The following ILRUN variants were observed in gnomAD, a reference collection of about 807,000 sequenced individuals.
The protein encoded by ILRUN is inflammation and lipid regulator with UBA-like and NBR1-like domains.
A neutral mutation model predicts 33.8 loss-of-function variants in ILRUN; 3 were observed. The observed-to-expected ratio is 0.09, with a 90% CI of 0.04 to 0.23. ILRUN has a LOEUF of 0.23. Among genes scored for constraint, ILRUN ranks in the 10% least tolerant of loss-of-function variants. ILRUN has a pLI of 1.00. For missense variants in ILRUN, 210 were observed against 375.1 expected (o/e 0.56, Z 3.64); for synonymous variants, 124 against 138.9 (o/e 0.89, Z 0.75).
intron 3 of ILRUN, among the ~76,000 whole-genome samples, chr6:34,614,481 ATAT>A (rs1208198323): frequency 4.2e-5 from 6 of 141,986 alleles, no homozygotes; most frequent in East Asian, 3.9e-4. Flanking sequence ...TATTTTTTAT[ATAT>A]TATTATATAT....
chr6:34,650,896 T>C (rs1489539731), intron 2 of ILRUN, among the ~76,000 whole-genome samples: 1 of 152,200 alleles, frequency 6.6e-6, no homozygotes, highest in Non-Finnish European at 1.5e-5. Context: ...AGAAGTGCCA[T>C]AAAAATTATT....
chr6:34,673,536 C>T (rs1049374698), intron 1 of ILRUN, among the ~76,000 whole-genome samples: 7 of 152,116 alleles, frequency 4.6e-5, no homozygotes, highest in Non-Finnish European at 8.8e-5. Flanking sequence ...ACACAAATGG[C>T]TCAAGTGTTG....
intron 3 of ILRUN, among the ~76,000 whole-genome samples, chr6:34,627,959 C>CT (rs148173477): frequency 0.03 from 4,611 of 152,206 alleles, 182 homozygotes; most frequent in African/African-American, 0.088. Flanking sequence ...CCGCCTCAGT[C>CT]CCCGAAGTAC....
At chr6:34,596,768 C>G (rs1303236573) in intron 4 of ILRUN, among the ~76,000 whole-genome samples, 1 of 152,200 alleles carries the variant, frequency 6.6e-6, no homozygotes, top group Non-Finnish European at 1.5e-5. Flanking sequence ...TCAACCAGGC[C>G]TTCTGATTGT....
At chr6:34,632,813 A>C (rs1001480642) in intron 3 of ILRUN, among the ~76,000 whole-genome samples, 1 of 151,990 alleles carries the variant, frequency 6.6e-6, no homozygotes, top group Non-Finnish European at 1.5e-5. Flanking sequence ...GTGAGCCACC[A>C]CGCCCGGCCA....
At position 34,589,873 on chromosome 6, in the gene ILRUN, C is replaced by T. The variant is rs967015192; in HGVS notation, c.*692G>A. The T allele has an allele frequency of 6.6e-6, 1 of 151,986 alleles. No individual in the cohort carries two copies. The highest frequency in any genetic ancestry group is 2.4e-5 in the African/African-American group (1 of 41,380). The allele number at this position is 151,986 out of a possible 1,614,324, so 9.4% of individuals were successfully genotyped here. A position where few individuals can be genotyped will look rare whatever the true frequency, so the allele number is the denominator to read the frequency against. ...GGGAAGTTTGGTCTTCAGAGAGGTT[C>T]TGATGCTAACAAGCCACAGGGTTGA... On this transcript the variant is annotated 3_prime_UTR_variant, in exon 5 of 5. Transcript: ENST00000374023.
intron 3 of ILRUN, among the ~76,000 whole-genome samples, chr6:34,608,636 T>C (rs1332503685): frequency 6.6e-6 from 1 of 152,140 alleles, no homozygotes; most frequent in East Asian, 1.9e-4. Flanking sequence ...ACAGTGTCAC[T>C]AGGTAACAGG....
At chr6:34,669,289 ATTT>A (rs35216384) in intron 1 of ILRUN, among the ~76,000 whole-genome samples, 3 of 118,434 alleles carry the variant, frequency 2.5e-5, no homozygotes, top group Admixed American at 9.1e-5. Context: ...ACACCCAGCT[ATTT>A]TTTTTTTTTT....
intron 3 of ILRUN, among the ~76,000 whole-genome samples, chr6:34,634,467 A>G (rs1285453055): frequency 6.6e-6 from 1 of 152,130 alleles, no homozygotes; most frequent in East Asian, 1.9e-4. Flanking sequence ...AATAAAATTA[A>G]GAGCAGAAAT....
At chr6:34,628,686 T>C (rs978956762) in intron 3 of ILRUN, among the ~76,000 whole-genome samples, 3 of 152,168 alleles carry the variant, frequency 2.0e-5, no homozygotes, top group African/African-American at 7.2e-5. Context: ...TGAGGATATG[T>C]GCATCTAAGT....
chr6:34,660,329 A>G (rs1364294820), intron 1 of ILRUN, among the ~76,000 whole-genome samples: 2 of 152,034 alleles, frequency 1.3e-5, no homozygotes, highest in Non-Finnish European at 2.9e-5. Context: ...AAAATCAGAA[A>G]TAGAGAAGGA....
intron 1 of ILRUN, among the ~76,000 whole-genome samples, chr6:34,679,322 A>G (rs1763308721): frequency 6.6e-6 from 1 of 152,192 alleles, no homozygotes; most frequent in Non-Finnish European, 1.5e-5. Flanking sequence ...GAGGTGTAAG[A>G]CAATTTGGCA....
At chr6:34,653,155 A>G (rs1330180764) in intron 2 of ILRUN, among the ~76,000 whole-genome samples, 3 of 109,058 alleles carry the variant, frequency 2.8e-5, no homozygotes, top group African/African-American at 1.1e-4. Flanking sequence ...AAAAAAAGAA[A>G]AAGAAAGAAA....
At chr6:34,694,484 A>G (rs1329395070) in intron 1 of ILRUN, among the ~76,000 whole-genome samples, 1 of 152,228 alleles carries the variant, frequency 6.6e-6, no homozygotes, top group Non-Finnish European at 1.5e-5. Flanking sequence ...AAATTTCACC[A>G]GAGTAATAGC....
chr6:34,682,403 G>A (rs1010085551), intron 1 of ILRUN, among the ~76,000 whole-genome samples: 10 of 151,652 alleles, frequency 6.6e-5, no homozygotes, highest in African/African-American at 1.5e-4. Flanking sequence ...GACTACAGGC[G>A]CCCGCCACCA....
intron 3 of ILRUN, among the ~76,000 whole-genome samples, chr6:34,639,474 T>C (rs1762427235): frequency 6.6e-6 from 1 of 152,212 alleles, no homozygotes; most frequent in African/African-American, 2.4e-5. Flanking sequence ...ATATTACTAC[T>C]GGCATCCAGG....
chr6:34,690,511 A>G (rs1763624140), intron 1 of ILRUN, among the ~76,000 whole-genome samples: 1 of 152,016 alleles, frequency 6.6e-6, no homozygotes, highest in African/African-American at 2.4e-5. Context: ...TTAAAAGGGT[A>G]AATTTTGTTA....
intron 1 of ILRUN, among the ~76,000 whole-genome samples, chr6:34,682,393 G>A (rs1468238157): frequency 6.6e-6 from 1 of 151,750 alleles, no homozygotes; most frequent in Non-Finnish European, 1.5e-5. Context: ...GAGTAGCTGG[G>A]ACTACAGGCG....
At chr6:34,652,691 G>A (rs888977092) in intron 2 of ILRUN, among the ~76,000 whole-genome samples, 1 of 152,022 alleles carries the variant, frequency 6.6e-6, no homozygotes, top group South Asian at 2.1e-4. Flanking sequence ...TTGCTAGACA[G>A]GGCACCCCCA....
Sources: allele counts gnomAD v4.1 joint callset (sites outside exome capture counted in the v4.1 genomes callset), GRCh38; gene constraint gnomAD v4.1.1; transcripts MANE v1.5; gene names NCBI Gene and HGNC (gene_info 2026-07-23, HGNC 2026-07-21).